The following DGKB variants were observed in gnomAD, a reference collection of about 807,000 sequenced individuals.
DGKB encodes 90 kDa diacylglycerol kinase.
In DGKB, 67 loss-of-function variants were observed where a neutral mutation model predicts 114.3. The observed-to-expected ratio is 0.59, with a 90% CI of 0.48 to 0.72. The LOEUF is 0.72. Among genes scored for constraint, DGKB ranks in the 30% least tolerant of loss-of-function variants. DGKB has a pLI of 0.00. For missense variants in DGKB, 907 were observed against 975.2 expected (o/e 0.93, Z 0.93); for synonymous variants, 398 against 323.1 (o/e 1.23, Z -2.49).
At chr7:14,689,499 G>C (rs1822437377) in intron 9 of DGKB, among the ~76,000 whole-genome samples, 1 of 152,092 alleles carries the variant, frequency 6.6e-6, no homozygotes, top group Admixed American at 6.5e-5. Context: ...AAAAAGATGA[G>C]CTCTATTAGG....
intron 25 of DGKB, among the ~76,000 whole-genome samples, chr7:14,170,165 GAA>G (rs1181074613): frequency 1.0e-5 from 1 of 97,502 alleles, no homozygotes; most frequent in African/African-American, 4.7e-5. Flanking sequence ...AAGAAAGAAA[GAA>G]AGAAAGAAAG....
chr7:14,478,094 T>A, intron 21 of DGKB, 67 bp downstream of exon 21: 1 of 1,037,224 alleles, frequency 9.6e-7, no homozygotes. Context: ...TTCTGTACCA[T>A]CTAGTGATCT....
intron 6 of DGKB, among the ~76,000 whole-genome samples, chr7:14,717,534 C>T (rs1348173247): frequency 2.0e-5 from 3 of 151,958 alleles, no homozygotes; most frequent in African/African-American, 4.8e-5. Context: ...TTATTCATAA[C>T]CTAAGCATGT....
At chr7:14,464,256 T>C (rs1833522854) in intron 21 of DGKB, among the ~76,000 whole-genome samples, 1 of 152,160 alleles carries the variant, frequency 6.6e-6, no homozygotes, top group Non-Finnish European at 1.5e-5. Context: ...AAATGAATTT[T>C]ATATTCATAA....
chr7:14,163,677 A>C (rs1784228229), intron 25 of DGKB, among the ~76,000 whole-genome samples: 1 of 152,132 alleles, frequency 6.6e-6, no homozygotes, highest in African/African-American at 2.4e-5. Flanking sequence ...CTCTCTTCAA[A>C]TTATCAACAT....
intron 1 of DGKB, among the ~76,000 whole-genome samples, chr7:14,874,426 C>T (rs1211537839): frequency 1.3e-5 from 2 of 152,016 alleles, no homozygotes; most frequent in African/African-American, 4.8e-5. Context: ...AGTTTTCATT[C>T]ATTTGTATTA....
chr7:14,464,838 C>G (rs1833593281), intron 21 of DGKB, among the ~76,000 whole-genome samples: 1 of 152,108 alleles, frequency 6.6e-6, no homozygotes, highest in South Asian at 2.1e-4. Flanking sequence ...TGCTTTTTGA[C>G]CCGTTATTCA....
At chr7:14,458,398 G>T (rs528509006) in intron 21 of DGKB, among the ~76,000 whole-genome samples, 1 of 152,084 alleles carries the variant, frequency 6.6e-6, no homozygotes, top group Non-Finnish European at 1.5e-5. Flanking sequence ...TGTGCCCAGC[G>T]GTGGCTGGCA....
intron 21 of DGKB, among the ~76,000 whole-genome samples, chr7:14,352,838 G>A (rs1813729990): frequency 1.3e-5 from 2 of 152,062 alleles, no homozygotes; most frequent in South Asian, 2.1e-4. Context: ...CAGGAGAATC[G>A]TCTGAACCCG....
At chr7:14,888,050 T>C (rs1046452040) in intron 1 of DGKB, among the ~76,000 whole-genome samples, 6 of 151,712 alleles carry the variant, frequency 4.0e-5, no homozygotes, top group Non-Finnish European at 8.8e-5. Flanking sequence ...ATCAGGGTAG[T>C]GCAATCTTAC....
intron 1 of DGKB, among the ~76,000 whole-genome samples, chr7:14,843,239 T>C (rs1446479363): frequency 6.7e-6 from 1 of 150,026 alleles, no homozygotes; most frequent in African/African-American, 2.4e-5. Context: ...AAGGATTAAA[T>C]GTATACATAT....
chr7:14,524,803 C>G (rs1222143239), intron 20 of DGKB, among the ~76,000 whole-genome samples: 1 of 151,292 alleles, frequency 6.6e-6, no homozygotes, highest in East Asian at 1.9e-4. Flanking sequence ...CATCTCTTTC[C>G]TGATAAGACC....
intron 20 of DGKB, among the ~76,000 whole-genome samples, chr7:14,487,867 C>T (rs1584327870): frequency 6.6e-6 from 1 of 151,944 alleles, no homozygotes; most frequent in African/African-American, 2.4e-5. Context: ...CCTACTTCAG[C>T]CTCCAAAAGT....
chr7:14,920,010 TCAG>T (rs1334806584), intron 1 of DGKB, among the ~76,000 whole-genome samples: 11 of 152,286 alleles, frequency 7.2e-5, no homozygotes, highest in African/African-American at 2.2e-4. Context: ...TTACCCTGTC[TCAG>T]GTATTCATTT....
rs1781674448 is a variant in DGKB, at chr7:14,148,102, G to A, written c.*1029C>T. On this transcript the variant is annotated 3_prime_UTR_variant, in exon 26 of 26. Coordinates refer to ENST00000402815, the MANE Select transcript of DGKB (RefSeq NM_001350709.2). The stretch of plus-strand genomic sequence containing the variant: ...ATTACACCTATATTTATAAATGACT[G>A]AAAAAAGCAAGAAATCATCTATTGA... 1 of 152,170 alleles carries A rather than the reference G, an allele frequency of 6.6e-6. No homozygotes were observed. Among genetic ancestry groups the A allele is most frequent in the South Asian group, 2.1e-4 (1 of 4,820 alleles). 9.4% of individuals were successfully genotyped at this position (152,170 alleles called of 1,614,324 possible). A position where few individuals can be genotyped will look rare whatever the true frequency, so the allele number is the denominator to read the frequency against.
At chr7:14,339,366 T>C (rs956770496) in intron 22 of DGKB, among the ~76,000 whole-genome samples, 1 of 91,334 alleles carries the variant, frequency 1.1e-5, no homozygotes, top group Non-Finnish European at 2.2e-5. Flanking sequence ...GCCGGGTAGA[T>C]TGATTGAGGG....
At chr7:14,485,491 C>A (rs1235134366) in intron 20 of DGKB, among the ~76,000 whole-genome samples, 1 of 151,970 alleles carries the variant, frequency 6.6e-6, no homozygotes, top group African/African-American at 2.4e-5. Context: ...AACTTAGAGA[C>A]TTGGAGAAAT....
chr7:14,614,259 T>C (rs1806122065), intron 15 of DGKB, among the ~76,000 whole-genome samples: 1 of 152,068 alleles, frequency 6.6e-6, no homozygotes, highest in Non-Finnish European at 1.5e-5. Context: ...GTGGGTAGAG[T>C]TGTTTTACGT....
At chr7:14,736,343 G>A (rs1586101951) in intron 4 of DGKB, 149 bp from the exon 5 acceptor site, 1 of 558,952 alleles carries the variant, frequency 1.8e-6, no homozygotes, top group Non-Finnish European at 3.1e-6. Flanking sequence ...TGAGAAATAG[G>A]GTGGGCCGTC....
Sources: allele counts gnomAD v4.1 joint callset (sites outside exome capture counted in the v4.1 genomes callset), GRCh38; gene constraint gnomAD v4.1.1; transcripts MANE v1.5; gene names NCBI Gene and HGNC (gene_info 2026-07-23, HGNC 2026-07-21).